NBN: variants seen among roughly 807,000 people sequenced by gnomAD.
The protein encoded by NBN is nibrin, also known as Nijmegen breakage syndrome 1 (nibrin).
NBN carries 88 observed loss-of-function variants against 90.8 expected under a neutral mutation model. The observed-to-expected ratio is 0.97, with a 90% CI of 0.82 to 1.16. The LOEUF (loss-of-function observed/expected upper bound fraction) is 1.16. Among genes scored for constraint, NBN ranks in the 50% most tolerant of loss-of-function variants. NBN has a pLI of 0.00. For synonymous variants in NBN, 328 were observed against 295.1 expected (o/e 1.11, Z -1.14); for missense variants, 894 against 869.6 (o/e 1.03, Z -0.35).
rs1344124075 is a variant in NBN at position 89,934,996 on chromosome 8, C to T, written c.*586G>A. The T allele has an allele frequency of 3.0e-5, 7 of 232,848 alleles. No individual in the cohort carries two copies. In the East Asian group the frequency reaches 3.0e-4, roughly 10 times the overall value. 14.4% of individuals were successfully genotyped at this position (232,848 alleles called of 1,614,324 possible). A position where few individuals can be genotyped will look rare whatever the true frequency, so the allele number is the denominator to read the frequency against. On this transcript the variant is annotated 3_prime_UTR_variant, in exon 16 of 16. Coordinates refer to ENST00000265433, the MANE Select transcript of NBN (RefSeq NM_002485.5). Reference sequence around the variant, plus strand: ...TAGAATAACATGTAGGTGACATCTGCACCACTGAAGCCATTTTGTTTGGAT... The same window carrying T: ...TAGAATAACATGTAGGTGACATCTGTACCACTGAAGCCATTTTGTTTGGAT...
chr8:89,963,048 T>C (rs1811070723), intron 8 of NBN, among the ~76,000 whole-genome samples: 1 of 152,190 alleles, frequency 6.6e-6, no homozygotes, highest in Non-Finnish European at 1.5e-5. Flanking sequence ...CTCTATCTTA[T>C]AAGGACTGTT....
chr8:89,973,067 C>G (rs1811588639), intron 5 of NBN, among the ~76,000 whole-genome samples: 1 of 152,186 alleles, frequency 6.6e-6, no homozygotes, highest in Non-Finnish European at 1.5e-5. Flanking sequence ...TGTTAGGCCT[C>G]TCTAATGGCT....
intron 4 of NBN, among the ~76,000 whole-genome samples, chr8:89,979,136 C>T (rs1811922887): frequency 1.3e-5 from 2 of 152,132 alleles, no homozygotes; most frequent in African/African-American, 4.8e-5. Flanking sequence ...TGCCACCATA[C>T]CCAGCTAATT....
intron 13 of NBN, among the ~76,000 whole-genome samples, chr8:89,943,694 C>A (rs1017406113): frequency 3.3e-5 from 5 of 152,130 alleles, no homozygotes; most frequent in African/African-American, 1.2e-4. Flanking sequence ...ACAAACACTA[C>A]AATTCAAAGC....
At chr8:89,981,566 A>T (rs374048836) in intron 2 of NBN, 43 bp from the exon 3 acceptor site, 4 of 1,605,020 alleles carry the variant, frequency 2.5e-6, no homozygotes, top group Non-Finnish European at 3.4e-6. Flanking sequence ...ACCACTCAGT[A>T]CATTCACTTC....
intron 8 of NBN, among the ~76,000 whole-genome samples, chr8:89,964,058 CTAAA>C (rs1251311751): frequency 6.6e-6 from 1 of 152,162 alleles, no homozygotes; most frequent in Non-Finnish European, 1.5e-5. Context: ...GAATACCTAT[CTAAA>C]TAGCCTACTA....
rs534731716 is a variant in NBN at position 89,975,428 on chromosome 8, A to C, written c.584+2792T>G. Among the ~76,000 whole-genome samples, 179 of 152,326 alleles carry C rather than the reference A, an allele frequency of 1.2e-3. 3 individuals are homozygous for C. In the South Asian group the frequency reaches 0.025, roughly 21 times the overall value. On this transcript the variant is annotated intron_variant, in intron 5 of 15. Transcript: ENST00000265433. Reference sequence around the variant, plus strand: ...TTATAAATTGAATCTTTTTTCTGTTAATTGAGTACTCAGACAAATAAGCCT... The same window carrying C: ...TTATAAATTGAATCTTTTTTCTGTTCATTGAGTACTCAGACAAATAAGCCT...
chr8:89,961,470 C>G (rs1810988004), intron 8 of NBN, among the ~76,000 whole-genome samples: 1 of 152,114 alleles, frequency 6.6e-6, no homozygotes, highest in South Asian at 2.1e-4. Flanking sequence ...AGCATAGAAA[C>G]AGAATAATTA....
chr8:89,962,123 AGAGTTTGTATAGGAAACAG>A (rs1356882559), intron 8 of NBN, among the ~76,000 whole-genome samples: 1 of 152,188 alleles, frequency 6.6e-6, no homozygotes, highest in Non-Finnish European at 1.5e-5. Context: ...AGTGGTTTCT[AGAGTTTGTATAGGAAACAG>A]GAGCTTAAAA....
chr8:89,965,469 C>T (rs934905149), intron 7 of NBN, among the ~76,000 whole-genome samples: 11 of 151,636 alleles, frequency 7.3e-5, no homozygotes, highest in Admixed American at 6.6e-4. Context: ...TACAAAATGT[C>T]TTCAATACTC....
At chr8:89,943,224 C>T in intron 14 of NBN, 29 bp downstream of exon 14, 1 of 1,612,784 alleles carries the variant, frequency 6.2e-7, no homozygotes, top group Non-Finnish European at 8.5e-7. Context: ...GCAATTTAAG[C>T]AAGTTTCTGG....
chr8:89,981,469 T>G lies in NBN; in HGVS notation c.226A>C (p.Thr76Pro). The change falls in exon 3 of 16, where the codon ACC (threonine) becomes CCC (proline). Residue 76 changes from threonine to proline, a missense_variant. Thr to Pro is a conservative substitution (Grantham distance 38, BLOSUM62 -1). Coordinates refer to ENST00000265433, the MANE Select transcript of NBN (RefSeq NM_002485.5). ...TGCATTTTTTCCTCATTAACAAAGG[T>G]ACCATACTTAGAATTATCTTTTAAT... ...LTLKDNSKYG[T>P]FVNEEKMQNG... The G allele has an allele frequency of 1.2e-6, 2 of 1,613,684 alleles. No individual in the cohort carries two copies. Among genetic ancestry groups the G allele is most frequent in the South Asian group, 1.1e-5 (1 of 91,080 alleles).
intron 13 of NBN, among the ~76,000 whole-genome samples, chr8:89,944,811 G>A (rs995647020): frequency 2.6e-4 from 39 of 152,074 alleles, no homozygotes; most frequent in African/African-American, 9.2e-4. Flanking sequence ...GAACTCCTGG[G>A]TTCAAGCCAT....
At chr8:89,950,800 T>C (rs1379015464) in intron 11 of NBN, among the ~76,000 whole-genome samples, 2 of 152,126 alleles carry the variant, frequency 1.3e-5, no homozygotes, top group East Asian at 3.8e-4. Context: ...CAAGGGTGTA[T>C]AGTGCTCAGT....
chr8:89,968,900 A>G (rs1452291798), intron 7 of NBN, among the ~76,000 whole-genome samples: 5 of 152,236 alleles, frequency 3.3e-5, no homozygotes, highest in Non-Finnish European at 7.3e-5. Context: ...TGTTGTAGTA[A>G]TAAGATAGTA....
At chr8:89,977,902 C>G (rs1002443872) in intron 5 of NBN, among the ~76,000 whole-genome samples, 3 of 152,226 alleles carry the variant, frequency 2.0e-5, no homozygotes, top group South Asian at 4.1e-4. Flanking sequence ...CCAGAGCTAA[C>G]TGTGGCGTGA....
intron 11 of NBN, among the ~76,000 whole-genome samples, chr8:89,952,392 T>A (rs11995294): frequency 0.063 from 9,614 of 152,148 alleles, 908 homozygotes; most frequent in African/African-American, 0.21. Context: ...TTAGGATCAC[T>A]CAGAAGAAGT....
chr8:89,949,291 A>AT (rs1434641016), intron 11 of NBN, among the ~76,000 whole-genome samples: 2 of 152,240 alleles, frequency 1.3e-5, no homozygotes, highest in Non-Finnish European at 2.9e-5. Context: ...TAATTGCTGC[A>AT]TTGTAGGGTT....
rs1199013619 is a variant in NBN at position 89,953,657 on chromosome 8, A to T, written c.1432T>A (p.Cys478Ser). 1.2e-6 allele frequency: 2 copies of T among 1,612,518 alleles called. No individual in the cohort carries two copies. Among genetic ancestry groups the T allele is most frequent in the Non-Finnish European group, 8.5e-7 (1 of 1,179,488 alleles). The change falls in exon 11 of 16, where the codon TGC becomes AGC. Residue 478 changes from cysteine to serine, a missense_variant. Cys to Ser is a moderately radical substitution (Grantham distance 112, BLOSUM62 -1). Transcript: ENST00000265433. ...GACGTTTCTATTCTTGCTGATTTGC[A>T]TGAAGACATTTCTTGATTTTCTTCA... is the stretch of plus-strand genomic sequence containing the variant. ...RDEENQEMSSCKSARIETSCS... is the reference protein window; with the variant it reads ...RDEENQEMSSSKSARIETSCS...
Sources: gnomAD v4.1 joint callset for allele counts (sites outside exome capture counted in the v4.1 genomes callset) on GRCh38, gnomAD v4.1.1 for gene constraint, MANE v1.5 for transcripts, NCBI Gene and HGNC (gene_info 2026-07-23, HGNC 2026-07-21) for gene names.